Variants in CCDC148 observed in about 807,000 individuals in gnomAD.
CCDC148 encodes coiled-coil domain-containing protein 148.
A neutral mutation model predicts 85.7 loss-of-function variants in CCDC148; 89 were observed. That is an observed-to-expected ratio of 1.04 (90% confidence interval 0.87 to 1.24). CCDC148 has a LOEUF of 1.24. Among genes scored for constraint, CCDC148 ranks in the 50% most tolerant of loss-of-function variants. CCDC148 has a pLI of 0.00. For missense variants in CCDC148, 692 were observed against 671.7 expected, an observed-to-expected ratio of 1.03 and a Z score of -0.33; for synonymous variants, 230 against 213.9, an observed-to-expected ratio of 1.08 and a Z score of -0.66.
intron 11 of CCDC148, among the ~76,000 whole-genome samples, chr2:158,189,074 A>G (rs1434957421): frequency 6.6e-6 from 1 of 151,976 alleles, no homozygotes. Context: ...CTATAATTAA[A>G]AAGTAAAAAA....
At chr2:158,265,821 A>G (rs1343782297) in intron 9 of CCDC148, among the ~76,000 whole-genome samples, 1 of 152,148 alleles carries the variant, frequency 6.6e-6, no homozygotes, top group African/African-American at 2.4e-5. Flanking sequence ...TCTTCCCCTG[A>G]GAATCTATAT....
At chr2:158,443,515 A>AAAAAAGAAAAG (rs1553524480) in intron 1 of CCDC148, among the ~76,000 whole-genome samples, 10 of 100,902 alleles carry the variant, frequency 9.9e-5, no homozygotes, top group Admixed American at 1.2e-4. Context: ...AAAAAAAAAA[A>AAAAAAGAAAAG]AAAAAAAAGA....
rs1209035505 is a variant in CCDC148 at position 158,198,403 on chromosome 2, A to G, written c.1371-19407T>C. On this transcript the variant is annotated intron_variant, in intron 11 of 13. Transcript: ENST00000283233. ...AATAAGTTGGTGGATTTTAAATAAT[A>G]GTATCACTGTGTTCTCAGACTAGAG... Among the ~76,000 whole-genome samples, 4 of 152,230 alleles carry G rather than the reference A, an allele frequency of 2.6e-5. No homozygotes were observed. The East Asian group carries it at 7.7e-4, about 29-fold the overall frequency.
chr2:158,428,728 C>A (rs1399226708), intron 1 of CCDC148, among the ~76,000 whole-genome samples: 1 of 151,800 alleles, frequency 6.6e-6, no homozygotes, highest in Non-Finnish European at 1.5e-5. Flanking sequence ...GACAGTGTGG[C>A]GATTCCTCAA....
intron 11 of CCDC148, among the ~76,000 whole-genome samples, chr2:158,201,788 A>C (rs1685977718): frequency 6.6e-6 from 1 of 152,242 alleles, no homozygotes; most frequent in Non-Finnish European, 1.5e-5. Context: ...GGGGTTAAAA[A>C]AACATTATTA....
intron 9 of CCDC148, among the ~76,000 whole-genome samples, chr2:158,290,975 C>A (rs1690864223): frequency 6.6e-6 from 1 of 152,106 alleles, no homozygotes; most frequent in South Asian, 2.1e-4. Flanking sequence ...ATCTCCACCT[C>A]TATCACCATC....
intron 9 of CCDC148, among the ~76,000 whole-genome samples, chr2:158,289,489 A>C (rs957323444): frequency 1.3e-5 from 2 of 152,244 alleles, no homozygotes; most frequent in African/African-American, 2.4e-5. Context: ...CCTCAATTTA[A>C]TTAGAAATCA....
At chr2:158,335,325 A>C (rs1232842354) in intron 7 of CCDC148, among the ~76,000 whole-genome samples, 1 of 152,166 alleles carries the variant, frequency 6.6e-6, no homozygotes, top group Non-Finnish European at 1.5e-5. Context: ...TCATTCTTCA[A>C]AGTTCATAGT....
At chr2:158,216,043 T>C (rs997002120) in intron 11 of CCDC148, among the ~76,000 whole-genome samples, 3 of 152,214 alleles carry the variant, frequency 2.0e-5, no homozygotes, top group Admixed American at 6.5e-5. Flanking sequence ...ACCCAGTCTA[T>C]GATATTTTGT....
intron 9 of CCDC148, among the ~76,000 whole-genome samples, chr2:158,277,922 A>G (rs2105170209): frequency 6.6e-6 from 1 of 152,264 alleles, no homozygotes; most frequent in East Asian, 1.9e-4. Context: ...AGGGGTTAGT[A>G]ACATGTTCAA....
At chr2:158,397,292 T>C (rs994613214) in intron 1 of CCDC148, among the ~76,000 whole-genome samples, 16 of 151,832 alleles carry the variant, frequency 1.1e-4, no homozygotes, top group Non-Finnish European at 1.5e-5. Context: ...ACAAAGATAA[T>C]CCTCGAGAAG....
chr2:158,223,566 C>G (rs1203876403), intron 10 of CCDC148, among the ~76,000 whole-genome samples: 2 of 152,080 alleles, frequency 1.3e-5, no homozygotes, highest in African/African-American at 4.8e-5. Context: ...TGGGAGGCAC[C>G]CCCCAGTAGG....
At position 158,345,275 on chromosome 2, in the gene CCDC148, G is replaced by A. The variant is rs1399061683; in HGVS notation, c.191C>T (p.Thr64Ile). ...MLTSKLSKEQ[T>I]LIKQHKQVWW... is the part of the protein sequence containing the mutation. ...CACTTGCTTGTGTTGTTTTATTAGT[G>A]TTTGTTCTTTGGATAACTTTGAAGT... The change falls in exon 3 of 14, where the codon ACA (threonine) becomes ATA (isoleucine). Residue 64 changes from threonine to isoleucine, a missense_variant. By Grantham distance (89) the Thr-to-Ile change is moderately conservative. Coordinates refer to ENST00000283233, the MANE Select transcript of CCDC148 (RefSeq NM_138803.4). 4 of 1,613,342 alleles carry A rather than the reference G, an allele frequency of 2.5e-6. No homozygotes were observed. The highest frequency in any genetic ancestry group is 1.7e-4 in the Middle Eastern group (1 of 6,058).
Position 158,309,397 on chromosome 2 carries a change from CCAGA to C in CCDC148, c.1110+32_1110+35del, listed in dbSNP as rs756283758. 7.9e-6 allele frequency: 12 copies of C among 1,522,960 alleles called. No individual in the cohort carries two copies. In the South Asian group the frequency reaches 1.1e-4, roughly 14 times the overall value. The allele number at this position is 1,522,960 out of a possible 1,614,324, so 94.3% of individuals were successfully genotyped here. On this transcript the variant is annotated intron_variant, in intron 9 of 13. Transcript: ENST00000283233. ...AAGGGAAAAATGGATTCTTAAATAT[CCAGA>C]CAAATACTGAAACACCTGTGCAGCA...
intron 10 of CCDC148, among the ~76,000 whole-genome samples, chr2:158,224,938 A>T (rs1401393215): frequency 6.6e-6 from 1 of 152,108 alleles, no homozygotes; most frequent in Non-Finnish European, 1.5e-5. Flanking sequence ...GACAGGATCA[A>T]ATTCACACAT....
chr2:158,343,718 T>A (rs1371688923), intron 3 of CCDC148, among the ~76,000 whole-genome samples: 7 of 152,200 alleles, frequency 4.6e-5, no homozygotes, highest in African/African-American at 1.7e-4. Flanking sequence ...TTGGTGGCCC[T>A]AAATTCTCCA....
At chr2:158,255,533 C>T (rs2105146507) in intron 9 of CCDC148, among the ~76,000 whole-genome samples, 1 of 151,674 alleles carries the variant, frequency 6.6e-6, no homozygotes, top group East Asian at 1.9e-4. Context: ...GAGAGAATGA[C>T]AAACAATTAT....
chr2:158,200,136 GT>G, intron 11 of CCDC148, among the ~76,000 whole-genome samples: 1 of 152,276 alleles, frequency 6.6e-6, no homozygotes, highest in African/African-American at 2.4e-5. Context: ...GGTGGTGCAT[GT>G]TTAAAAAAGA....
chr2:158,350,394 T>TAC (rs1437249034), intron 2 of CCDC148, among the ~76,000 whole-genome samples: 2 of 152,170 alleles, frequency 1.3e-5, no homozygotes, highest in Non-Finnish European at 2.9e-5. Flanking sequence ...TGTGTATATA[T>TAC]ACATGTATGA....
Sources: gnomAD v4.1 joint callset for allele counts (sites outside exome capture counted in the v4.1 genomes callset) on GRCh38, gnomAD v4.1.1 for gene constraint, MANE v1.5 for transcripts, NCBI Gene and HGNC (gene_info 2026-07-23, HGNC 2026-07-21) for gene names.